The following GALNT10 variants were observed in gnomAD, a reference collection of about 807,000 sequenced individuals.
The protein encoded by GALNT10 is polypeptide N-acetylgalactosaminyltransferase 10.
Under a neutral mutation model 75.0 loss-of-function variants are expected in GALNT10, and 41 were observed. The observed-to-expected ratio is 0.55, with a 90% CI of 0.43 to 0.71. The LOEUF (loss-of-function observed/expected upper bound fraction) is 0.71. GALNT10 is among the 30% of genes least tolerant of loss of function. GALNT10 has a pLI of 0.00. For missense variants in GALNT10, 727 were observed against 818.5 expected, an observed-to-expected ratio of 0.89 and a Z score of 1.36; for synonymous variants, 302 against 313.0, an observed-to-expected ratio of 0.96 and a Z score of 0.37.
intron 1 of GALNT10, among the ~76,000 whole-genome samples, chr5:154,248,651 G>A (rs1030824429): frequency 3.9e-5 from 6 of 152,178 alleles, no homozygotes; most frequent in African/African-American, 1.2e-4. Context: ...GGGATCAGTG[G>A]TGATATCCCC....
chr5:154,373,616 A>G (rs1755611214), intron 4 of GALNT10, among the ~76,000 whole-genome samples: 1 of 152,106 alleles, frequency 6.6e-6, no homozygotes, highest in South Asian at 2.1e-4. Flanking sequence ...ATTGTTCCCT[A>G]TAATTGTCAT....
intron 1 of GALNT10, among the ~76,000 whole-genome samples, chr5:154,213,681 A>G (rs1752816729): frequency 6.6e-6 from 1 of 152,090 alleles, no homozygotes; most frequent in Non-Finnish European, 1.5e-5. Context: ...TCTTGGGCTC[A>G]AGTGATCTTC....
intron 4 of GALNT10, among the ~76,000 whole-genome samples, chr5:154,363,541 CAAT>C (rs1290768309): frequency 1.1e-5 from 1 of 88,618 alleles, no homozygotes; most frequent in Non-Finnish European, 2.3e-5. Flanking sequence ...CATCTAACAA[CAAT>C]GACAAAATCA....
At chr5:154,336,423 A>G (rs1754946329) in intron 4 of GALNT10, among the ~76,000 whole-genome samples, 1 of 152,210 alleles carries the variant, frequency 6.6e-6, no homozygotes, top group Non-Finnish European at 1.5e-5. Flanking sequence ...TGTCTTCCAA[A>G]GTGGCTGTAC....
chr5:154,360,727 C>T (rs546653032), intron 4 of GALNT10, among the ~76,000 whole-genome samples: 130 of 152,204 alleles, frequency 8.5e-4, no homozygotes, highest in African/African-American at 3.0e-3. Flanking sequence ...GAAACTTCAC[C>T]CTTTTTTGTA....
At chr5:154,287,913 T>TGTGTGAGA (rs1216974853) in intron 1 of GALNT10, among the ~76,000 whole-genome samples, 2 of 148,088 alleles carry the variant, frequency 1.4e-5, no homozygotes, top group African/African-American at 5.0e-5. Context: ...TGTGTGTGTG[T>TGTGTGAGA]GAGAGAGAGA....
chr5:154,418,339 C>T lies in GALNT10; in HGVS notation c.*1367C>T, dbSNP rs1756557924. 1.3e-5 allele frequency: 2 copies of T among 152,314 alleles called. No homozygotes were observed. The highest frequency in any genetic ancestry group is 6.5e-5 in the Admixed American group (1 of 15,278). 9.4% of individuals were successfully genotyped at this position (152,314 alleles called of 1,614,324 possible). A position where few individuals can be genotyped will look rare whatever the true frequency, so the allele number is the denominator to read the frequency against. On this transcript the variant is annotated 3_prime_UTR_variant, in exon 12 of 12. Transcript: ENST00000297107. ...ACCCGACGTCCCACAGCCAGATATA[C>T]ACCCAGCTCCATGCCAGCCCTTCAT... is the stretch of plus-strand genomic sequence containing the variant.
At chr5:154,310,646 A>G in intron 3 of GALNT10, among the ~76,000 whole-genome samples, 1 of 151,516 alleles carries the variant, frequency 6.6e-6, no homozygotes, top group East Asian at 1.9e-4. Flanking sequence ...TAATTTTTGT[A>G]TTTGCAGCAG....
At chr5:154,324,332 A>G (rs1754723363) in intron 3 of GALNT10, among the ~76,000 whole-genome samples, 1 of 152,170 alleles carries the variant, frequency 6.6e-6, no homozygotes, top group African/African-American at 2.4e-5. Flanking sequence ...CCCCCTCCCA[A>G]TGACTAATTG....
intron 3 of GALNT10, among the ~76,000 whole-genome samples, chr5:154,308,436 G>A (rs529505464): frequency 6.6e-6 from 1 of 152,274 alleles, no homozygotes; most frequent in South Asian, 2.1e-4. Context: ...TAGCAGAAAG[G>A]AAGTCTTCTC....
rs564034636 is a variant in GALNT10 at position 154,321,600 on chromosome 5, A to C, written c.402-7972A>C. Among the ~76,000 whole-genome samples, 262 of 152,274 alleles carry C rather than the reference A, an allele frequency of 1.7e-3. 1 individual carries two copies. Among genetic ancestry groups the C allele is most frequent in the African/African-American group, 4.3e-3 (177 of 41,540 alleles). ...CAGCCTCCCAAAGTGTTGCGATTAC[A>C]GGTGTGAGCCACTGCACCTGGCCAC... On this transcript the variant is annotated intron_variant, in intron 3 of 11. Transcript: ENST00000297107.
intron 4 of GALNT10, among the ~76,000 whole-genome samples, chr5:154,371,017 T>C (rs1460487987): frequency 6.6e-6 from 1 of 152,178 alleles, no homozygotes; most frequent in Non-Finnish European, 1.5e-5. Context: ...ACTGGATGGC[T>C]TAAAACAGAA....
intron 8 of GALNT10, among the ~76,000 whole-genome samples, chr5:154,408,835 G>A (rs1756336486): frequency 1.3e-5 from 2 of 152,114 alleles, no homozygotes; most frequent in Admixed American, 6.5e-5. Context: ...TTGGCTTAGC[G>A]AAGAAAGAAT....
At chr5:154,231,257 T>A (rs1400752062) in intron 1 of GALNT10, among the ~76,000 whole-genome samples, 1 of 152,226 alleles carries the variant, frequency 6.6e-6, no homozygotes, top group Non-Finnish European at 1.5e-5. Flanking sequence ...CATCCTCTTA[T>A]TTTATAAAAT....
chr5:154,412,639 C>A lies in GALNT10; in HGVS notation c.1387-250C>A, dbSNP rs1756421727. ...ACTCCTCACCTCCACTCCCCCACCA[C>A]CAACCCAGGACTCTGCATACTCTAC... On this transcript the variant is annotated intron_variant, in intron 9 of 11. Transcript: ENST00000297107. This position sits in a 1 kb window ranked among gnomAD's most constrained non-coding sequence, Gnocchi z 4.2. 5.1e-6 allele frequency: 2 copies of A among 391,146 alleles called. No individual in the cohort carries two copies. Among genetic ancestry groups the A allele is most frequent in the Admixed American group, 4.3e-5 (1 of 23,428 alleles). 24.2% of individuals were successfully genotyped at this position (391,146 alleles called of 1,614,324 possible).
chr5:154,256,623 A>G (rs909636643), intron 1 of GALNT10, among the ~76,000 whole-genome samples: 4 of 152,240 alleles, frequency 2.6e-5, no homozygotes, highest in Non-Finnish European at 5.9e-5. Context: ...GGAGTAGGCA[A>G]TTCTGTAAAA....
intron 3 of GALNT10, among the ~76,000 whole-genome samples, chr5:154,318,374 G>A (rs1391788386): frequency 6.6e-6 from 1 of 152,050 alleles, no homozygotes; most frequent in East Asian, 1.9e-4. Context: ...CTCAATATTT[G>A]CTTTTTAGCT....
chr5:154,237,578 A>T (rs1019988481), intron 1 of GALNT10, among the ~76,000 whole-genome samples: 1 of 152,154 alleles, frequency 6.6e-6, no homozygotes, highest in Non-Finnish European at 1.5e-5. Context: ...TGTTTCTCCA[A>T]TTGGGAAATC....
chr5:154,319,972 A>C (rs1754649754), intron 3 of GALNT10, among the ~76,000 whole-genome samples: 1 of 152,138 alleles, frequency 6.6e-6, no homozygotes, highest in South Asian at 2.1e-4. Flanking sequence ...TTGGGCTCTC[A>C]ACTGGAAGGT....
Sources: allele counts gnomAD v4.1 joint callset (sites outside exome capture counted in the v4.1 genomes callset), GRCh38; gene constraint gnomAD v4.1.1; non-coding constraint Gnocchi (gnomAD v3.1); transcripts MANE v1.5; gene names NCBI Gene and HGNC (gene_info 2026-07-23, HGNC 2026-07-21).